The following HMBOX1 variants were observed in gnomAD, a reference collection of about 807,000 sequenced individuals.
The protein encoded by HMBOX1 is homeobox-containing protein 1.
A neutral mutation model predicts 54.5 loss-of-function variants in HMBOX1; 14 were observed. The observed-to-expected ratio is 0.26, with a 90% CI of 0.17 to 0.40. The LOEUF is 0.40. Ranked by LOEUF, HMBOX1 falls within the 10% of genes least tolerant of loss-of-function variation. The pLI is 1.00. For synonymous variants in HMBOX1, 160 were observed against 181.0 expected (o/e 0.88, Z 0.93); for missense variants, 332 against 514.4 (o/e 0.65, Z 3.43).
chr8:28,943,951 C>T (rs1448720983), intron 1 of HMBOX1, among the ~76,000 whole-genome samples: 1 of 152,120 alleles, frequency 6.6e-6, no homozygotes, highest in Non-Finnish European at 1.5e-5. Context: ...AATACGTCCA[C>T]AGGATTGATC....
intron 1 of HMBOX1, among the ~76,000 whole-genome samples, chr8:28,932,622 A>AT (rs896857481): frequency 1.1e-4 from 16 of 152,048 alleles, no homozygotes; most frequent in East Asian, 5.8e-4. Flanking sequence ...CTTTTCATCT[A>AT]TTTTTTTATC....
At chr8:29,020,932 T>C (rs2133028130) in intron 6 of HMBOX1, among the ~76,000 whole-genome samples, 1 of 152,298 alleles carries the variant, frequency 6.6e-6, no homozygotes, top group East Asian at 1.9e-4. Flanking sequence ...ATTTCAGCTT[T>C]GGGAGGCCAA....
At chr8:29,006,332 T>A (rs914828395) in intron 4 of HMBOX1, among the ~76,000 whole-genome samples, 1 of 152,206 alleles carries the variant, frequency 6.6e-6, no homozygotes, top group Admixed American at 6.5e-5. Context: ...TTGTTTCACA[T>A]TGGGGGCTAT....
intron 4 of HMBOX1, among the ~76,000 whole-genome samples, chr8:29,008,331 C>T (rs988183067): frequency 2.0e-5 from 3 of 152,144 alleles, no homozygotes; most frequent in African/African-American, 7.2e-5. Context: ...TGTAGAGATT[C>T]TTTACATTTC....
intron 5 of HMBOX1, among the ~76,000 whole-genome samples, chr8:29,013,494 G>A (rs1435589866): frequency 3.3e-5 from 5 of 152,024 alleles, no homozygotes; most frequent in Admixed American, 2.0e-4. Context: ...TTGGTTTTTT[G>A]TAAGTTTCTC....
In HMBOX1 at chr8:29,052,440, A is replaced by C. The variant is rs1057428450; in HGVS notation, c.*1285A>C. The C allele has an allele frequency of 1.2e-4, 19 of 152,218 alleles. No homozygotes were observed. The highest frequency in any genetic ancestry group is 2.6e-4 in the Non-Finnish European group (18 of 68,036). 9.4% of individuals were successfully genotyped at this position (152,218 alleles called of 1,614,324 possible). A position where few individuals can be genotyped will look rare whatever the true frequency, so the allele number is the denominator to read the frequency against. On this transcript the variant is annotated 3_prime_UTR_variant, in exon 10 of 10. Transcript: ENST00000287701. ...GGATGTGGTAATATTTGTAAAGTTT[A>C]ATCTACTTTAAGCGGCAGTAACTAA...
chr8:28,967,496 C>T (rs1250091132), intron 2 of HMBOX1, among the ~76,000 whole-genome samples: 1 of 152,118 alleles, frequency 6.6e-6, no homozygotes, highest in African/African-American at 2.4e-5. Context: ...ATACAGAGTG[C>T]TGCTCCATAC....
At chr8:28,915,584 C>CAAA (rs1816386185) in intron 1 of HMBOX1, 1 of 145,212 alleles carries the variant, frequency 6.9e-6, no homozygotes, top group Non-Finnish European at 1.5e-5. Context: ...AAAAAAGAGA[C>CAAA]AGAGTCCTGC....
chr8:29,019,734 T>C (rs1366092476), intron 6 of HMBOX1, among the ~76,000 whole-genome samples: 1 of 152,218 alleles, frequency 6.6e-6, no homozygotes, highest in Non-Finnish European at 1.5e-5. Context: ...CTCTCAGCTG[T>C]AACTTCATGT....
chr8:29,049,157 A>G (rs1378434207), intron 9 of HMBOX1, 109 bp downstream of exon 9: 1 of 1,466,670 alleles, frequency 6.8e-7, no homozygotes, highest in Non-Finnish European at 9.4e-7. Flanking sequence ...GGAAACAGTC[A>G]CTGTCCCTCC....
At chr8:28,974,790 AT>A (rs1320351434) in intron 3 of HMBOX1, among the ~76,000 whole-genome samples, 3 of 152,186 alleles carry the variant, frequency 2.0e-5, no homozygotes, top group Non-Finnish European at 4.4e-5. Context: ...TTTGTACATC[AT>A]TGTATTTTTC....
chr8:28,894,130 C>T (rs924438918), intron 1 of HMBOX1, among the ~76,000 whole-genome samples: 1 of 152,172 alleles, frequency 6.6e-6, no homozygotes, highest in African/African-American at 2.4e-5. Context: ...TTTTGTAGCT[C>T]ACTTTGCTAT....
chr8:28,900,656 G>A (rs1031494819), intron 1 of HMBOX1, among the ~76,000 whole-genome samples: 1 of 151,948 alleles, frequency 6.6e-6, no homozygotes, highest in African/African-American at 2.4e-5. Context: ...TAGTTTTTAT[G>A]GTTATGGCAT....
At chr8:28,921,060 C>A (rs1563390319) in intron 1 of HMBOX1, among the ~76,000 whole-genome samples, 1 of 152,188 alleles carries the variant, frequency 6.6e-6, no homozygotes, top group Admixed American at 6.5e-5. Flanking sequence ...CCTGGCTAGG[C>A]ACAGTGGCTC....
chr8:28,915,956 AC>A (rs1816464224), intron 1 of HMBOX1: 1 of 152,216 alleles, frequency 6.6e-6, no homozygotes, highest in South Asian at 2.1e-4. Flanking sequence ...GAGATATTTT[AC>A]GTTCTTAAGT....
At chr8:29,006,865 A>G (rs1318034215) in intron 4 of HMBOX1, among the ~76,000 whole-genome samples, 2 of 152,102 alleles carry the variant, frequency 1.3e-5, no homozygotes, top group African/African-American at 4.8e-5. Context: ...TTTTTTCTTA[A>G]CTGATTTTTC....
intron 6 of HMBOX1, among the ~76,000 whole-genome samples, chr8:29,028,980 A>C (rs930549782): frequency 2.0e-5 from 3 of 152,122 alleles, no homozygotes; most frequent in Admixed American, 6.5e-5. Flanking sequence ...CTCTCATTTC[A>C]TGAAGCTATG....
At chr8:29,038,196 G>C (rs1804221050) in intron 6 of HMBOX1, among the ~76,000 whole-genome samples, 1 of 152,084 alleles carries the variant, frequency 6.6e-6, no homozygotes. Flanking sequence ...ATTTCCATTT[G>C]TTACTAGCTT....
chr8:29,051,263 A>G lies in HMBOX1; in HGVS notation c.*108A>G. ...TACAGTATAACTTGCAGTTTCTTGT[A>G]TGTCAGGTAGCTGTTAGGGTCTTGT... On this transcript the variant is annotated 3_prime_UTR_variant, in exon 10 of 10. Coordinates refer to ENST00000287701, the MANE Select transcript of HMBOX1 (RefSeq NM_001135726.3). 8.1e-7 allele frequency: 1 copy of G among 1,233,860 alleles called. No individual in the cohort carries two copies. Among genetic ancestry groups the G allele is most frequent in the Non-Finnish European group, 1.1e-6 (1 of 874,514 alleles). The allele number at this position is 1,233,860 out of a possible 1,614,324, so 76.4% of individuals were successfully genotyped here.
Sources: allele counts gnomAD v4.1 joint callset (sites outside exome capture counted in the v4.1 genomes callset), GRCh38; gene constraint gnomAD v4.1.1; transcripts MANE v1.5; gene names NCBI Gene and HGNC (gene_info 2026-07-23, HGNC 2026-07-21).